CNTN4: variants seen among roughly 807,000 people sequenced by gnomAD.
CNTN4 encodes the protein contactin-4.
A neutral mutation model predicts 122.5 loss-of-function variants in CNTN4; 77 were observed. The ratio of observed to expected loss-of-function variants is 0.63; its 90% CI spans 0.52 to 0.76. The LOEUF (loss-of-function observed/expected upper bound fraction) is 0.76. Ranked by LOEUF, CNTN4 falls within the 30% of genes least tolerant of loss-of-function variation. The pLI is 0.00. For synonymous variants in CNTN4, 512 were observed against 447.0 expected, an observed-to-expected ratio of 1.15 and a Z score of -1.83; for missense variants, 1,256 against 1,259.1, an observed-to-expected ratio of 1.00 and a Z score of 0.04.
intron 2 of CNTN4, among the ~76,000 whole-genome samples, chr3:2,317,195 C>T (rs561602622): frequency 3.6e-4 from 55 of 152,268 alleles, no homozygotes; most frequent in African/African-American, 7.9e-4. Flanking sequence ...TAGCGTTGCC[C>T]GCTGAATCTA....
chr3:2,526,847 A>C (rs1400691273), intron 3 of CNTN4, among the ~76,000 whole-genome samples: 1 of 152,138 alleles, frequency 6.6e-6, no homozygotes, highest in African/African-American at 2.4e-5. Context: ...TAGTCTTACA[A>C]GTTTACTGGA....
At chr3:2,565,901 C>T (rs1287115272) in intron 3 of CNTN4, among the ~76,000 whole-genome samples, 1 of 152,164 alleles carries the variant, frequency 6.6e-6, no homozygotes, top group East Asian at 1.9e-4. Context: ...TTAAAAATCT[C>T]TGCCTTCAGA....
intron 6 of CNTN4, among the ~76,000 whole-genome samples, chr3:2,809,132 C>A (rs1285643564): frequency 2.6e-5 from 4 of 152,184 alleles, no homozygotes; most frequent in African/African-American, 9.7e-5. Flanking sequence ...AGAAAGTACA[C>A]AAATGAGAAC....
In CNTN4 at chr3:2,600,005, C is replaced by CTTTTTTTTTTTTTTTTTTTTT. The variant is rs1220761684; in HGVS notation, c.55+28449_55+28450insTTTTTTTTTTTTTTTTTTTTT. ...CAACTCTATTTTGGTTTATGGAATT[C>CTTTTTTTTTTTTTTTTTTTTT]TTCTTTTTTTTTTTTTTTTTTTTTT... On this transcript the variant is annotated intron_variant, in intron 4 of 24. Coordinates refer to ENST00000418658, the MANE Select transcript of CNTN4 (RefSeq NM_175607.3). 1.4e-4 allele frequency among the ~76,000 whole-genome samples: 4 copies of CTTTTTTTTTTTTTTTTTTTTT among 28,268 alleles called. 1 individual carries two copies. The highest frequency in any genetic ancestry group is 1.5e-3 in the South Asian group (1 of 670). The allele number at this position is 28,268 out of a possible 152,430, so 18.5% of individuals were successfully genotyped here. A position where few individuals can be genotyped will look rare whatever the true frequency, so the allele number is the denominator to read the frequency against.
chr3:2,748,872 AC>A (rs1272029530), intron 6 of CNTN4, among the ~76,000 whole-genome samples: 1 of 152,130 alleles, frequency 6.6e-6, no homozygotes, highest in Non-Finnish European at 1.5e-5. Context: ...TAAATCTCAA[AC>A]TCATTACCAT....
At chr3:2,188,558 C>T (rs927726278) in intron 2 of CNTN4, among the ~76,000 whole-genome samples, 2 of 152,118 alleles carry the variant, frequency 1.3e-5, no homozygotes, top group African/African-American at 4.8e-5. Context: ...CCATTTCAGG[C>T]ATAGAATTTC....
chr3:2,354,405 C>T (rs906864792), intron 3 of CNTN4, among the ~76,000 whole-genome samples: 3 of 152,118 alleles, frequency 2.0e-5, no homozygotes, highest in African/African-American at 7.2e-5. Context: ...GTGGCAGGTG[C>T]CTGTAATCCC....
intron 3 of CNTN4, among the ~76,000 whole-genome samples, chr3:2,429,204 T>G (rs1279255315): frequency 6.6e-6 from 1 of 152,212 alleles, no homozygotes; most frequent in Non-Finnish European, 1.5e-5. Context: ...TCTCCCCATC[T>G]TTGTGGTTTT....
At chr3:2,663,716 A>AT (rs1208888979) in intron 4 of CNTN4, among the ~76,000 whole-genome samples, 3 of 152,154 alleles carry the variant, frequency 2.0e-5, no homozygotes, top group Non-Finnish European at 4.4e-5. Flanking sequence ...GGAAGAAAGA[A>AT]TTTTTTAAAA....
chr3:3,043,268 C>T (rs1700327724), intron 22 of CNTN4, 105 bp downstream of exon 22: 1 of 1,069,016 alleles, frequency 9.4e-7, no homozygotes, highest in South Asian at 1.3e-5. Context: ...TAATTAGTAG[C>T]ATGTGGATTC....
At chr3:2,183,839 A>G (rs1315505031) in intron 2 of CNTN4, among the ~76,000 whole-genome samples, 1 of 152,238 alleles carries the variant, frequency 6.6e-6, no homozygotes, top group Non-Finnish European at 1.5e-5. Flanking sequence ...CAAATGTGTC[A>G]GAAATGGAAG....
At chr3:2,712,939 C>T (rs1002890201) in intron 4 of CNTN4, among the ~76,000 whole-genome samples, 1 of 152,226 alleles carries the variant, frequency 6.6e-6, no homozygotes, top group Non-Finnish European at 1.5e-5. Context: ...CTCCACGCCC[C>T]TTCCCCAATA....
intron 9 of CNTN4, among the ~76,000 whole-genome samples, chr3:2,884,756 A>G (rs957909457): frequency 5.9e-5 from 9 of 152,340 alleles, no homozygotes; most frequent in African/African-American, 2.2e-4. Context: ...AAAGAGCAGA[A>G]TTCACGTTGT....
At chr3:2,450,626 TA>T (rs956752149) in intron 3 of CNTN4, among the ~76,000 whole-genome samples, 45 of 150,838 alleles carry the variant, frequency 3.0e-4, no homozygotes, top group African/African-American at 1.0e-3. Flanking sequence ...TTTTACCGGT[TA>T]AAAAAAAAGA....
At chr3:2,417,639 C>G (rs1441926350) in intron 3 of CNTN4, among the ~76,000 whole-genome samples, 1 of 152,138 alleles carries the variant, frequency 6.6e-6, no homozygotes, top group African/African-American at 2.4e-5. Context: ...GAGATTTACC[C>G]GAAGGAGGTG....
intron 3 of CNTN4, among the ~76,000 whole-genome samples, chr3:2,405,883 T>G (rs1488858906): frequency 6.6e-6 from 1 of 151,806 alleles, no homozygotes; most frequent in African/African-American, 2.4e-5. Context: ...ACAAATTATC[T>G]GGGTGTGGTG....
At chr3:2,526,381 TA>T (rs570749472) in intron 3 of CNTN4, among the ~76,000 whole-genome samples, 14 of 152,164 alleles carry the variant, frequency 9.2e-5, no homozygotes, top group Non-Finnish European at 2.1e-4. Context: ...TCCCTATGAC[TA>T]AAATTCTCCT....
chr3:3,027,269 T>C (rs1045725438), intron 15 of CNTN4, among the ~76,000 whole-genome samples: 2 of 152,200 alleles, frequency 1.3e-5, no homozygotes, highest in African/African-American at 2.4e-5. Context: ...CTCAGTTCTA[T>C]GCCAAGAGTG....
At chr3:2,525,934 C>T (rs182189087) in intron 3 of CNTN4, among the ~76,000 whole-genome samples, 5 of 152,226 alleles carry the variant, frequency 3.3e-5, no homozygotes, top group Non-Finnish European at 5.9e-5. Context: ...TATACCTCCA[C>T]CCCCATTGCT....
Sources: allele counts gnomAD v4.1 joint callset (sites outside exome capture counted in the v4.1 genomes callset), GRCh38; gene constraint gnomAD v4.1.1; transcripts MANE v1.5; gene names NCBI Gene and HGNC (gene_info 2026-07-23, HGNC 2026-07-21).